CUL3: variants seen among roughly 807,000 people sequenced by gnomAD.
CUL3 encodes the protein cullin-3.
A neutral mutation model predicts 89.1 loss-of-function variants in CUL3; 19 were observed. That is an observed-to-expected ratio of 0.21 (90% CI 0.15 to 0.31). The LOEUF is 0.31. Among genes scored for constraint, CUL3 ranks in the 10% least tolerant of loss-of-function variants. CUL3 has a pLI of 1.00. For missense variants in CUL3, 469 were observed against 942.3 expected (o/e 0.50, Z 6.58); for synonymous variants, 351 against 308.4 (o/e 1.14, Z -1.45).
chr2:224,578,937 C>T (rs950239142), intron 1 of CUL3, among the ~76,000 whole-genome samples: 1 of 152,148 alleles, frequency 6.6e-6, no homozygotes, highest in African/African-American at 2.4e-5. Context: ...CCCTTAACTT[C>T]ATTTAATGAA....
rs944707920 is a variant in CUL3, at chr2:224,474,020, G to C, written c.*225C>G. Reference sequence around the variant, plus strand: ...CGCAGCACATTCACATTTTCCCGAGGAACTGTAAAGATGATCTCTACAGGG... The same window carrying C: ...CGCAGCACATTCACATTTTCCCGAGCAACTGTAAAGATGATCTCTACAGGG... On this transcript the variant is annotated 3_prime_UTR_variant, in exon 16 of 16. Transcript: ENST00000264414. The C allele has an allele frequency of 3.1e-5, 11 of 350,304 alleles. No homozygotes were observed. The highest frequency in any genetic ancestry group is 3.1e-5 in the Non-Finnish European group (6 of 195,520). 21.7% of individuals were successfully genotyped at this position (350,304 alleles called of 1,614,324 possible). A position where few individuals can be genotyped will look rare whatever the true frequency, so the allele number is the denominator to read the frequency against.
intron 6 of CUL3, among the ~76,000 whole-genome samples, chr2:224,508,024 A>G (rs1397317476): frequency 6.6e-6 from 1 of 152,248 alleles, no homozygotes; most frequent in East Asian, 1.9e-4. Context: ...CAGATAATAC[A>G]TAAATTATTC....
intron 1 of CUL3, among the ~76,000 whole-genome samples, chr2:224,573,548 C>A (rs1695232667): frequency 6.6e-6 from 1 of 152,138 alleles, no homozygotes; most frequent in South Asian, 2.1e-4. Flanking sequence ...AGGAAGCTTA[C>A]GAAGGCTTCT....
At chr2:224,530,012 G>A (rs559248003) in intron 3 of CUL3, among the ~76,000 whole-genome samples, 2 of 152,248 alleles carry the variant, frequency 1.3e-5, no homozygotes, top group East Asian at 1.9e-4. Flanking sequence ...GCCAAGGCGG[G>A]CAGATCACGA....
chr2:224,551,228 C>T (rs1239601969), intron 2 of CUL3, among the ~76,000 whole-genome samples: 4 of 141,272 alleles, frequency 2.8e-5, no homozygotes, highest in Non-Finnish European at 4.6e-5. Context: ...TTTTTTGAGA[C>T]GGAGTCTCAC....
chr2:224,489,362 G>A (rs1574620843), intron 13 of CUL3, among the ~76,000 whole-genome samples: 3 of 152,170 alleles, frequency 2.0e-5, no homozygotes, highest in Admixed American at 6.5e-5. Flanking sequence ...AAACCCCATC[G>A]TCTCAGCCCA....
chr2:224,505,637 A>G (rs983971459), intron 8 of CUL3: 1 of 166,094 alleles, frequency 6.0e-6, no homozygotes, highest in Non-Finnish European at 1.3e-5. Context: ...AGTCTCACTA[A>G]GTTAACAAGG....
At chr2:224,479,754 T>C (rs1033590330) in intron 14 of CUL3, 7 of 152,210 alleles carry the variant, frequency 4.6e-5, no homozygotes, top group African/African-American at 1.7e-4. Context: ...CTGGTAAACG[T>C]AGGTCACAGC....
At position 224,478,318 on chromosome 2, in the gene CUL3, G is replaced by A. The variant is rs1181205443; in HGVS notation, c.2057C>T (p.Pro686Leu). Residue 686 changes from proline to leucine, a missense_variant, in exon 15 of 16, where the codon CCA (proline) becomes CTA (leucine). Physicochemically the swap from Pro to Leu is moderately conservative, Grantham distance 98 (BLOSUM62 -3). Around this residue, in one of 4 missense-constraint regions of CUL3, gnomAD observed 65 missense variants for 147.8 expected, o/e 0.44. Transcript: ENST00000264414. ...TVAAKQGESDPERKETRQKVD... is the reference protein window; with the variant it reads ...TVAAKQGESDLERKETRQKVD... ...TTTCTGCCTTGTTTCTTTCCTCTCT[G>A]GGTCGGATTCACCTTGTTTGGCAGC... 1.9e-6 allele frequency: 3 copies of A among 1,612,890 alleles called. No homozygotes were observed. In the African/African-American group the frequency reaches 4.0e-5, roughly 22 times the overall value.
intron 2 of CUL3, among the ~76,000 whole-genome samples, chr2:224,548,113 C>T (rs185345365): frequency 7.5e-4 from 115 of 152,334 alleles, no homozygotes; most frequent in Admixed American, 7.2e-3. Flanking sequence ...AAAAGAAAGT[C>T]ACTTGAAACT....
chr2:224,582,259 G>T (rs998275863), intron 1 of CUL3, among the ~76,000 whole-genome samples: 3 of 152,174 alleles, frequency 2.0e-5, no homozygotes, highest in Non-Finnish European at 4.4e-5. Flanking sequence ...GAGCCACTGC[G>T]CCCGGCCATA....
intron 5 of CUL3, among the ~76,000 whole-genome samples, chr2:224,511,987 C>T (rs144597307): frequency 1.6e-3 from 239 of 152,280 alleles, no homozygotes; most frequent in Middle Eastern, 0.01. Flanking sequence ...GCTTTGCTGG[C>T]ATACTGCTGG....
chr2:224,583,469 A>T (rs934367171), intron 1 of CUL3, among the ~76,000 whole-genome samples: 2 of 152,236 alleles, frequency 1.3e-5, no homozygotes, highest in South Asian at 2.1e-4. Context: ...TATCACTCAC[A>T]AATGCATAAC....
At chr2:224,475,091 C>T (rs1389314583) in intron 15 of CUL3, among the ~76,000 whole-genome samples, 2 of 152,196 alleles carry the variant, frequency 1.3e-5, no homozygotes, top group African/African-American at 4.8e-5. Context: ...AATCTCCGCT[C>T]ACTGCAAGCT....
intron 13 of CUL3, among the ~76,000 whole-genome samples, chr2:224,491,242 C>T (rs959125109): frequency 2.6e-5 from 4 of 152,176 alleles, no homozygotes; most frequent in Non-Finnish European, 5.9e-5. Context: ...ACACTTATAA[C>T]TTGTAATTCT....
chr2:224,555,867 G>A (rs189289259), intron 2 of CUL3, among the ~76,000 whole-genome samples: 3 of 152,076 alleles, frequency 2.0e-5, no homozygotes. Context: ...CAACTCACTT[G>A]CCACTTAATT....
At chr2:224,508,557 T>C (rs913592716) in intron 6 of CUL3, among the ~76,000 whole-genome samples, 1 of 152,246 alleles carries the variant, frequency 6.6e-6, no homozygotes, top group Non-Finnish European at 1.5e-5. Flanking sequence ...CATAAATTAC[T>C]ACAATTTCAT....
At chr2:224,564,570 T>C (rs1694994119) in intron 1 of CUL3, among the ~76,000 whole-genome samples, 1 of 152,326 alleles carries the variant, frequency 6.6e-6, no homozygotes, top group South Asian at 2.1e-4. Context: ...AAATTGTAAA[T>C]TAAACGTCAT....
At chr2:224,516,124 T>C (rs1693032502) in intron 3 of CUL3, among the ~76,000 whole-genome samples, 1 of 152,160 alleles carries the variant, frequency 6.6e-6, no homozygotes, top group South Asian at 2.1e-4. Context: ...TTATATTATC[T>C]TCTTCAGTGC....
Sources: gnomAD v4.1 joint callset for allele counts (sites outside exome capture counted in the v4.1 genomes callset) on GRCh38, gnomAD v4.1.1 for gene constraint, gnomAD v4.1.1 regional missense constraint, MANE v1.5 for transcripts, NCBI Gene and HGNC (gene_info 2026-07-23, HGNC 2026-07-21) for gene names.